The following RBFOX1 variants were observed in gnomAD, a reference collection of about 807,000 sequenced individuals.
RBFOX1 encodes RNA binding protein fox-1 homolog 1.
RBFOX1 carries 8 observed loss-of-function variants against 57.7 expected under a neutral mutation model. The ratio of observed to expected loss-of-function variants is 0.14; its 90% CI spans 0.08 to 0.25. RBFOX1 has a LOEUF of 0.25. RBFOX1 is among the 10% of genes least tolerant of loss of function. The pLI, the probability that RBFOX1 is intolerant of heterozygous loss-of-function variation, is 1.00. For synonymous variants in RBFOX1, 326 were observed against 222.4 expected (o/e 1.47, Z -4.15); for missense variants, 611 against 548.5 (o/e 1.11, Z -1.14).
In RBFOX1 at chr16:7,478,576, C is replaced by T. The variant is rs1176976628; in HGVS notation, c.28-39571C>T. Among the ~76,000 whole-genome samples, 6 of 152,146 alleles carry T rather than the reference C, an allele frequency of 3.9e-5. 1 individual carries two copies. The highest frequency in any genetic ancestry group is 3.9e-4 in the Admixed American group (6 of 15,280). On this transcript the variant is annotated intron_variant, in intron 4 of 15. Transcript: ENST00000550418. Reference sequence around the variant, plus strand: ...TCCTTGATGCTGGGCATTGGCACACCTCACAGTGAGATGATTTCTGACACA... The same window carrying T: ...TCCTTGATGCTGGGCATTGGCACACTTCACAGTGAGATGATTTCTGACACA...
At chr16:6,806,447 C>G (rs1013711500) in intron 3 of RBFOX1, among the ~76,000 whole-genome samples, 32 of 152,032 alleles carry the variant, frequency 2.1e-4, no homozygotes, top group African/African-American at 6.5e-4. Context: ...CTAACTAGAG[C>G]TAACAAATGT....
chr16:5,877,677 A>G (rs1255623650), intron 4 of RBFOX1, among the ~76,000 whole-genome samples: 12 of 152,358 alleles, frequency 7.9e-5, no homozygotes, highest in Non-Finnish European at 1.6e-4. Context: ...GAGCAGGGCT[A>G]CCCTGAAGGG....
intron 4 of RBFOX1, among the ~76,000 whole-genome samples, chr16:7,108,727 C>A (rs748545052): frequency 6.6e-6 from 1 of 152,162 alleles, no homozygotes; most frequent in Non-Finnish European, 1.5e-5. Context: ...CCTCTGATAG[C>A]ACTAGTGGAA....
intron 3 of RBFOX1, among the ~76,000 whole-genome samples, chr16:5,708,913 G>A (rs1456665143): frequency 1.3e-5 from 2 of 152,124 alleles, no homozygotes; most frequent in African/African-American, 4.8e-5. Context: ...AGACGAGAGT[G>A]AGAGCAAGAA....
chr16:7,141,628 C>T (rs536697425), intron 4 of RBFOX1, among the ~76,000 whole-genome samples: 9 of 152,226 alleles, frequency 5.9e-5, no homozygotes, highest in African/African-American at 1.9e-4. Context: ...ATATTAATGC[C>T]ATTTGTAGTT....
intron 3 of RBFOX1, among the ~76,000 whole-genome samples, chr16:6,966,717 G>A (rs1428018705): frequency 6.6e-6 from 1 of 152,048 alleles, no homozygotes; most frequent in Non-Finnish European, 1.5e-5. Flanking sequence ...TTACACCTGT[G>A]ATGAGAAGTC....
At chr16:7,303,695 C>T (rs1047824927) in intron 4 of RBFOX1, among the ~76,000 whole-genome samples, 2 of 152,042 alleles carry the variant, frequency 1.3e-5, no homozygotes, top group Admixed American at 1.3e-4. Context: ...ACGGAGTGAG[C>T]TTCAGTGTGA....
In RBFOX1 at chr16:5,812,651, G is replaced by T. The variant is rs188607961; in HGVS notation, c.319-54652G>T. 6.5e-3 allele frequency among the ~76,000 whole-genome samples: 987 copies of T among 151,910 alleles called. 33 individuals carry two copies. Among genetic ancestry groups the T allele is most frequent in the Admixed American group, 0.061 (928 of 15,252 alleles). On this transcript the variant is annotated intron_variant, in intron 3 of 19. Transcript: ENST00000641259. ...ATTCTTTTTTATCTTTGGTAGACCC[G>T]GGCTCTCCCTCTGTTGCCTACGTTG...
chr16:7,458,067 C>G (rs973383693), intron 4 of RBFOX1, among the ~76,000 whole-genome samples: 3 of 152,120 alleles, frequency 2.0e-5, no homozygotes, highest in Non-Finnish European at 4.4e-5. Context: ...GACATACTTC[C>G]TGATTCACCT....
At chr16:7,140,106 C>G (rs550025933) in intron 4 of RBFOX1, among the ~76,000 whole-genome samples, 1 of 151,384 alleles carries the variant, frequency 6.6e-6, no homozygotes, top group East Asian at 2.0e-4. Flanking sequence ...TTCTCTCTTT[C>G]TCTCTGCATG....
chr16:6,293,377 TA>T (rs2077676541), intron 1 of RBFOX1, among the ~76,000 whole-genome samples: 1 of 152,324 alleles, frequency 6.6e-6, no homozygotes, highest in African/African-American at 2.4e-5. Flanking sequence ...CAGCAAAATT[TA>T]AGCTCGCTTT....
intron 1 of RBFOX1, among the ~76,000 whole-genome samples, chr16:5,342,220 G>T (rs996815373): frequency 6.6e-6 from 1 of 152,168 alleles, no homozygotes; most frequent in Non-Finnish European, 1.5e-5. Context: ...GTGACCACCA[G>T]TTCCAAAGGT....
At chr16:7,197,475 A>G (rs1453342897) in intron 4 of RBFOX1, among the ~76,000 whole-genome samples, 2 of 149,580 alleles carry the variant, frequency 1.3e-5, no homozygotes, top group African/African-American at 2.5e-5. Context: ...TCAAGCTGTG[A>G]TACTGCAGAA....
intron 3 of RBFOX1, among the ~76,000 whole-genome samples, chr16:7,006,232 G>A (rs369988880): frequency 1.4e-4 from 22 of 152,006 alleles, no homozygotes; most frequent in East Asian, 1.2e-3. Context: ...TCGGTTCACT[G>A]CATCCTCTGC....
At chr16:5,638,077 A>G (rs932032914) in intron 3 of RBFOX1, among the ~76,000 whole-genome samples, 1 of 152,184 alleles carries the variant, frequency 6.6e-6, no homozygotes, top group Non-Finnish European at 1.5e-5. Flanking sequence ...AGGCAACAAG[A>G]GATTAATCTT....
At chr16:7,422,112 C>T (rs1218818134) in intron 4 of RBFOX1, among the ~76,000 whole-genome samples, 1 of 152,086 alleles carries the variant, frequency 6.6e-6, no homozygotes. Flanking sequence ...TTGGTCGAGC[C>T]TGTGATTCTG....
At chr16:6,532,055 G>A (rs774851107) in intron 2 of RBFOX1, among the ~76,000 whole-genome samples, 35 of 152,256 alleles carry the variant, frequency 2.3e-4, no homozygotes, top group East Asian at 5.8e-4. Context: ...TAAGTCTTCC[G>A]TCCATGTATC....
At chr16:5,960,346 C>T (rs917452749) in intron 4 of RBFOX1, among the ~76,000 whole-genome samples, 2 of 152,182 alleles carry the variant, frequency 1.3e-5, no homozygotes, top group African/African-American at 4.8e-5. Context: ...TATTCACAGT[C>T]ACACGGATAC....
intron 3 of RBFOX1, among the ~76,000 whole-genome samples, chr16:5,754,521 T>C (rs1332106083): frequency 7.2e-6 from 1 of 138,252 alleles, no homozygotes. Context: ...GCGTTCAGCA[T>C]ATGGAGGATC....
Sources: gnomAD v4.1 joint callset for allele counts (sites outside exome capture counted in the v4.1 genomes callset) on GRCh38, gnomAD v4.1.1 for gene constraint, MANE v1.5 for transcripts, NCBI Gene and HGNC (gene_info 2026-07-23, HGNC 2026-07-21) for gene names.